Variants in LSP1 observed in about 807,000 individuals in gnomAD.
The protein encoded by LSP1 is lymphocyte specific protein 1, also known as lymphocyte-specific protein 1.
In LSP1, 32 loss-of-function variants were observed where a neutral mutation model predicts 49.3. The observed-to-expected ratio is 0.65, with a 90% CI of 0.49 to 0.87. LSP1 has a LOEUF of 0.87. Among genes scored for constraint, LSP1 ranks in the 40% least tolerant of loss-of-function variants. LSP1 has a pLI of 0.00. For missense variants in LSP1, 428 were observed against 442.6 expected (o/e 0.97, Z 0.30); for synonymous variants, 179 against 178.8 (o/e 1.00, Z -0.01).
Position 1,884,432 on chromosome 11 carries a change from A to G in LSP1, c.636-68A>G. 6.2e-7 allele frequency: 1 copy of G among 1,603,458 alleles called. No homozygotes were observed. The highest frequency in any genetic ancestry group is 1.3e-5 in the African/African-American group (1 of 74,730). On this transcript the variant is annotated intron_variant, in intron 6 of 10. Transcript: ENST00000311604. This position sits in a 1 kb window ranked among gnomAD's most constrained non-coding sequence, Gnocchi z 4.1. The stretch of plus-strand genomic sequence containing the variant: ...TCTGGAGACCGAGGGGGGCTCTGGG[A>G]GAGGCTTGGGCAGGTTGGGAGAAGC...
At chr11:1,854,943 G>C (rs893941383) in intron 1 of LSP1, among the ~76,000 whole-genome samples, 2 of 152,068 alleles carry the variant, frequency 1.3e-5, no homozygotes, top group African/African-American at 4.8e-5. Context: ...GGAGCGGGGA[G>C]GGGGGGTTGG....
chr11:1,889,236 G>T, intron 10 of LSP1: 2 of 674,098 alleles, frequency 3.0e-6, no homozygotes, highest in South Asian at 1.6e-5. Context: ...AGGGGGCCGG[G>T]TGGCCTCCTG....
At position 1,884,623 on chromosome 11, in the gene LSP1, C is replaced by T. The variant is rs201283068; in HGVS notation, c.717+42C>T. 2.5e-5 allele frequency: 39 copies of T among 1,544,650 alleles called. No homozygotes were observed. In the East Asian group the frequency reaches 8.1e-4, roughly 32 times the overall value. On this transcript the variant is annotated intron_variant, in intron 7 of 10. Transcript: ENST00000311604. This position sits in a 1 kb window ranked among gnomAD's most constrained non-coding sequence, Gnocchi z 4.1. Reference sequence around the variant, plus strand: ...CTCTGCTGTCAGGTCCCTCCTGCATCCTGGCACCATTCCTTCATCCAACCA... The same window carrying T: ...CTCTGCTGTCAGGTCCCTCCTGCATTCTGGCACCATTCCTTCATCCAACCA...
At chr11:1,854,005 A>T (rs1374423643) in intron 1 of LSP1, among the ~76,000 whole-genome samples, 3 of 152,174 alleles carry the variant, frequency 2.0e-5, no homozygotes, top group Non-Finnish European at 4.4e-5. Context: ...GCCAGCAGGC[A>T]TCCAGGCATC....
chr11:1,887,459 C>A lies in LSP1; in HGVS notation c.931-15C>A, dbSNP rs990191637. On this transcript the variant is annotated splice_polypyrimidine_tract_variant and intron_variant, in intron 9 of 10. Transcript: ENST00000311604. The stretch of plus-strand genomic sequence containing the variant: ...TGCTGCTCTCACCTTCACTCTTGGT[C>A]TCCTTTCCCAACAGAGCACCCCATC... 3 of 1,611,616 alleles carry A rather than the reference C, an allele frequency of 1.9e-6. No homozygotes were observed. The highest frequency in any genetic ancestry group is 2.5e-6 in the Non-Finnish European group (3 of 1,177,822).
chr11:1,887,481 C>G lies in LSP1; in HGVS notation c.938C>G (p.Pro313Arg), dbSNP rs538542793. ...SKTSSTIKSTPSGKRYKFVAT... is the reference protein window; with the variant it reads ...SKTSSTIKSTRSGKRYKFVAT... Reference sequence around the variant, plus strand: ...GGTCTCCTTTCCCAACAGAGCACCCCATCTGGGAAGAGGTATAAGTTTGTG... The same window carrying G: ...GGTCTCCTTTCCCAACAGAGCACCCGATCTGGGAAGAGGTATAAGTTTGTG... The change falls in exon 10 of 11, where the codon CCA becomes CGA. Residue 313 changes from proline (P) to arginine (R), a missense_variant. Physicochemically the swap from Pro to Arg is moderately radical, Grantham distance 103. Coordinates refer to ENST00000311604, the MANE Select transcript of LSP1 (RefSeq NM_002339.3). The G allele has an allele frequency of 1.2e-6, 2 of 1,613,772 alleles. No individual in the cohort carries two copies. Among genetic ancestry groups the G allele is most frequent in the Non-Finnish European group, 1.7e-6 (2 of 1,179,898 alleles).
chr11:1,872,209 GGT>G (rs1848055824), intron 1 of LSP1, among the ~76,000 whole-genome samples: 1 of 138,594 alleles, frequency 7.2e-6, no homozygotes. Context: ...TTTGGGACGG[GGT>G]GTGTGTGGTG....
intron 1 of LSP1, among the ~76,000 whole-genome samples, chr11:1,878,975 C>T (rs1218968578): frequency 6.6e-6 from 1 of 152,036 alleles, no homozygotes; most frequent in African/African-American, 2.4e-5. Context: ...GAGGGGGGCG[C>T]GTGGGACCCC....
intron 1 of LSP1, among the ~76,000 whole-genome samples, chr11:1,875,146 T>C (rs552824762): frequency 6.7e-6 from 1 of 149,030 alleles, no homozygotes; most frequent in African/African-American, 2.6e-5. Flanking sequence ...TCTGGCTGTC[T>C]GTGTCGCCCC....
chr11:1,881,232 C>T, intron 2 of LSP1, 200 bp from the exon 3 acceptor site: 1 of 535,410 alleles, frequency 1.9e-6, no homozygotes, highest in South Asian at 2.5e-5. Flanking sequence ...TCTCAGGCTG[C>T]CCCAGAACTG....
intron 1 of LSP1, among the ~76,000 whole-genome samples, chr11:1,878,631 C>T (rs990809849): frequency 2.0e-4 from 30 of 152,110 alleles, no homozygotes; most frequent in African/African-American, 5.6e-4. Flanking sequence ...TTAGATCACG[C>T]GCTGGCAGGG....
chr11:1,876,335 C>T lies in LSP1; in HGVS notation c.54-3752C>T, dbSNP rs568460711. ...GACCTCAGTGCTGTGCAGGGAGCCC[C>T]GAACCACCCTGGTGGAAGGCCCAGC... On this transcript the variant is annotated intron_variant, in intron 1 of 10. Transcript: ENST00000311604. The T allele has an allele frequency of 5.3e-5, 27 of 508,566 alleles. 1 individual carries two copies. In the East Asian group the frequency reaches 1.3e-3, roughly 25 times the overall value. The allele number at this position is 508,566 out of a possible 1,614,324, so 31.5% of individuals were successfully genotyped here.
At chr11:1,858,951 T>G (rs1733020247) in intron 1 of LSP1, among the ~76,000 whole-genome samples, 2 of 152,120 alleles carry the variant, frequency 1.3e-5, no homozygotes, top group Middle Eastern at 3.2e-3. Flanking sequence ...GCAAGTCCTA[T>G]CCTAACTCCA....
intron 3 of LSP1, among the ~76,000 whole-genome samples, chr11:1,882,107 C>T (rs1191801048): frequency 6.6e-6 from 1 of 152,194 alleles, no homozygotes; most frequent in African/African-American, 2.4e-5. Context: ...GGAGGACGCA[C>T]TTTCCAGATG....
chr11:1,882,287 C>T (rs1449709785), intron 3 of LSP1, among the ~76,000 whole-genome samples: 1 of 152,196 alleles, frequency 6.6e-6, no homozygotes, highest in Non-Finnish European at 1.5e-5. Flanking sequence ...CCCAGCCCTG[C>T]TCAGGACCCC....
chr11:1,879,644 C>T (rs372377207), intron 1 of LSP1, among the ~76,000 whole-genome samples: 2 of 152,192 alleles, frequency 1.3e-5, no homozygotes, highest in Non-Finnish European at 2.9e-5. Flanking sequence ...TGCCGCCTGG[C>T]GGTGGGCTGC....
At chr11:1,883,849 A>C in intron 4 of LSP1, 83 bp from the exon 5 acceptor site, 1 of 1,297,052 alleles carries the variant, frequency 7.7e-7, no homozygotes, top group Non-Finnish European at 1.1e-6. Context: ...AGGAAGGAAC[A>C]GCATTTGTTC....
chr11:1,878,434 G>C (rs549129173), intron 1 of LSP1, among the ~76,000 whole-genome samples: 1 of 152,086 alleles, frequency 6.6e-6, no homozygotes, highest in Non-Finnish European at 1.5e-5. Context: ...GGGGCCGGGA[G>C]TTGAAGGCAC....
intron 1 of LSP1, chr11:1,869,129 TGCCC>T: frequency 1.8e-6 from 1 of 546,304 alleles, no homozygotes; most frequent in Non-Finnish European, 2.4e-6. Flanking sequence ...GCTTGGCCCC[TGCCC>T]CAGGCTCCAA....
Sources: gnomAD v4.1 joint callset for allele counts (sites outside exome capture counted in the v4.1 genomes callset) on GRCh38, gnomAD v4.1.1 for gene constraint, Gnocchi (gnomAD v3.1) non-coding constraint, MANE v1.5 for transcripts, NCBI Gene and HGNC (gene_info 2026-07-23, HGNC 2026-07-21) for gene names.